The following WDFY3 variants were observed in gnomAD, a reference collection of about 807,000 sequenced individuals.
WDFY3 encodes the protein WD repeat and FYVE domain containing 3.
In WDFY3, 66 loss-of-function variants were observed where a neutral mutation model predicts 409.6. The ratio of observed to expected loss-of-function variants is 0.16; its 90% confidence interval spans 0.13 to 0.20. WDFY3 has a LOEUF of 0.20. Among genes scored for constraint, WDFY3 ranks in the 10% least tolerant of loss-of-function variants. The probability of loss-of-function intolerance (pLI) is 1.00; values close to 1 mark genes in which losing one functional copy is unlikely to be tolerated. For missense variants in WDFY3, 3,031 were observed against 4,298.1 expected (o/e 0.71, Z 8.24); for synonymous variants, 1,521 against 1,537.1 (o/e 0.99, Z 0.25).
intron 32 of WDFY3, among the ~76,000 whole-genome samples, chr4:84,758,133 A>T (rs916050225): frequency 6.6e-6 from 1 of 152,246 alleles, no homozygotes; most frequent in Non-Finnish European, 1.5e-5. Flanking sequence ...GGAAGTACTC[A>T]GTACACAGTG....
Position 84,669,947 on chromosome 4 carries a change from A to G in WDFY3, c.*2921T>C, listed in dbSNP as rs1245161825. 6.6e-6 allele frequency: 1 copy of G among 152,626 alleles called. No individual in the cohort carries two copies. The highest frequency in any genetic ancestry group is 1.5e-5 in the Non-Finnish European group (1 of 68,046). The allele number at this position is 152,626 out of a possible 1,614,324, so 9.5% of individuals were successfully genotyped here. On this transcript the variant is annotated 3_prime_UTR_variant, in exon 68 of 68. Transcript: ENST00000295888. ...GCAACAAGTAACCAAACTTGCTGAA[A>G]TTAAAAATACTTTCTAAAAACAGTT...
chr4:84,684,161 C>G (rs571202434), intron 62 of WDFY3, 36 bp from the exon 63 acceptor site: 1 of 1,487,156 alleles, frequency 6.7e-7, no homozygotes, highest in Admixed American at 2.0e-5. Flanking sequence ...TCTCTTTGCT[C>G]CCTTCCAATT....
Position 84,789,828 on chromosome 4 carries a change from A to C in WDFY3, c.3567T>G (p.Ile1189Met), listed in dbSNP as rs758906998. 2 of 1,614,078 alleles carry C rather than the reference A, an allele frequency of 1.2e-6. No homozygotes were observed. The highest frequency in any genetic ancestry group is 1.7e-6 in the Non-Finnish European group (2 of 1,180,024). ...CARFRCGELI[I>M]EGQWHHLVLV... ...GGACCAAATGATGCCACTGTCCCTC[A>C]ATGATAAGCTCTCCACATCGAAAGC... Residue 1189 changes from isoleucine to methionine, a missense_variant, in exon 22 of 68, where the codon ATT becomes ATG. Transcript: ENST00000295888.
At chr4:84,715,190 G>C (rs1356949936) in intron 50 of WDFY3, 108 bp downstream of exon 50, 8 of 609,384 alleles carry the variant, frequency 1.3e-5, no homozygotes, top group Non-Finnish European at 2.3e-5. Flanking sequence ...TTTCTTCAAA[G>C]ATGTTGGCTC....
At chr4:84,891,411 T>C (rs1241423943) in intron 3 of WDFY3, among the ~76,000 whole-genome samples, 2 of 152,176 alleles carry the variant, frequency 1.3e-5, no homozygotes, top group Non-Finnish European at 2.9e-5. Flanking sequence ...GTGTACACCA[T>C]AAAATATTCA....
intron 60 of WDFY3, among the ~76,000 whole-genome samples, chr4:84,691,321 T>A: frequency 6.6e-6 from 1 of 152,060 alleles, no homozygotes. Flanking sequence ...ACAGAAATGC[T>A]GAGCTCCTTG....
intron 37 of WDFY3, 64 bp from the exon 38 acceptor site, chr4:84,741,985 C>T: frequency 7.9e-7 from 1 of 1,273,758 alleles, no homozygotes; most frequent in South Asian, 1.8e-5. Context: ...ACCAGATCCT[C>T]AAAAAAAAAA....
chr4:84,934,164 C>A (rs1369548649), intron 1 of WDFY3, among the ~76,000 whole-genome samples: 3 of 152,122 alleles, frequency 2.0e-5, no homozygotes, highest in African/African-American at 7.2e-5. Flanking sequence ...TCCCTTTTCT[C>A]CACATCCTTG....
intron 4 of WDFY3, among the ~76,000 whole-genome samples, chr4:84,850,928 G>GTTTTTTTTTTTTTTTTTT (rs869074191): frequency 4.3e-4 from 20 of 46,244 alleles, no homozygotes; most frequent in East Asian, 8.8e-4. Context: ...TTATTTATCT[G>GTTTTTTTTTTTTTTTTTT]TTTTTTTTTT....
intron 56 of WDFY3, among the ~76,000 whole-genome samples, chr4:84,700,948 A>G (rs1272878761): frequency 6.6e-6 from 1 of 152,164 alleles, no homozygotes; most frequent in African/African-American, 2.4e-5. Flanking sequence ...CGTCTCTACT[A>G]AAAATTTGAA....
rs774904882 is a variant in WDFY3 at position 84,753,855 on chromosome 4, C to T, written c.5581G>A (p.Gly1861Arg). 1 of 1,596,454 alleles carries T rather than the reference C, an allele frequency of 6.3e-7. No individual in the cohort carries two copies. Among genetic ancestry groups the T allele is most frequent in the Non-Finnish European group, 8.5e-7 (1 of 1,173,210 alleles). ...ACAGGATATTCTCGGAGCCAAGATC[C>T]CTCTTCTTCTGATTGCCAAGGCTGT... ...LTSPWQSEEE[G>R]SWLREYPVTL... The change falls in exon 35 of 68, where the codon GGA becomes AGA. Residue 1861 changes from glycine (G) to arginine (R), a missense_variant. By Grantham distance (125) the Gly-to-Arg change is moderately radical (BLOSUM62 -2). This residue lies in a region of WDFY3 where 342 missense variants were observed against 463.7 expected (regional missense o/e 0.74). Coordinates refer to ENST00000295888, the MANE Select transcript of WDFY3 (RefSeq NM_014991.6).
At chr4:84,695,513 G>GAGAGAT (rs1729974743) in intron 58 of WDFY3, among the ~76,000 whole-genome samples, 1 of 111,282 alleles carries the variant, frequency 9.0e-6, no homozygotes, top group Non-Finnish European at 1.9e-5. Flanking sequence ...GAGAGATAGA[G>GAGAGAT]AGAGAGAGAG....
At chr4:84,924,599 A>G (rs2150897505) in intron 2 of WDFY3, among the ~76,000 whole-genome samples, 2 of 152,322 alleles carry the variant, frequency 1.3e-5, no homozygotes, top group Non-Finnish European at 2.9e-5. Context: ...TAAGTAGCCC[A>G]AGGTCACATG....
At position 84,766,772 on chromosome 4, in the gene WDFY3, T is replaced by C. The variant is rs182809693; in HGVS notation, c.4850-400A>G. On this transcript the variant is annotated intron_variant, in intron 30 of 67. Transcript: ENST00000295888. ...CAGTTAATTCTACCAGATTTAAAAATTGAAAATAGGAAGCATAGACTTATT... is the reference window on the plus strand; with the variant it reads ...CAGTTAATTCTACCAGATTTAAAAACTGAAAATAGGAAGCATAGACTTATT... Among the ~76,000 whole-genome samples the C allele has an allele frequency of 1.5e-3, 229 of 152,314 alleles. 1 individual carries two copies. Among genetic ancestry groups the C allele is most frequent in the African/African-American group, 5.2e-3 (216 of 41,570 alleles).
intron 37 of WDFY3, among the ~76,000 whole-genome samples, chr4:84,743,313 T>C (rs1328955757): frequency 1.3e-5 from 2 of 152,168 alleles, no homozygotes; most frequent in African/African-American, 4.8e-5. Context: ...CTGGAAGCCA[T>C]ACTAAAAAGA....
intron 59 of WDFY3, among the ~76,000 whole-genome samples, chr4:84,692,326 C>T (rs1729395603): frequency 6.6e-6 from 1 of 152,074 alleles, no homozygotes. Flanking sequence ...CATAGAATGG[C>T]ACACAAGTTA....
intron 6 of WDFY3, among the ~76,000 whole-genome samples, chr4:84,839,585 C>T (rs906478900): frequency 6.6e-6 from 1 of 151,848 alleles, no homozygotes; most frequent in Non-Finnish European, 1.5e-5. Context: ...GGGCCAGGCA[C>T]AGTGGCTCAC....
intron 24 of WDFY3, 98 bp downstream of exon 24, chr4:84,785,881 T>C: frequency 2.1e-6 from 3 of 1,429,488 alleles, no homozygotes; most frequent in Admixed American, 4.6e-5. Context: ...GGCATGATTT[T>C]TAGCAGTCAC....
In WDFY3 at chr4:84,733,849, T is replaced by G. The variant is rs113582768; in HGVS notation, c.6994-240A>C. ...CATGGATAGGGTAGAGTGTGCAATA[T>G]AGTGAAACAGAGAGTTGAAAGAAGT... is the stretch of plus-strand genomic sequence containing the variant. On this transcript the variant is annotated intron_variant, in intron 43 of 67. Coordinates refer to ENST00000295888, the MANE Select transcript of WDFY3 (RefSeq NM_014991.6). Among the ~76,000 whole-genome samples, 137 of 152,274 alleles carry G rather than the reference T, an allele frequency of 9.0e-4. 1 individual carries two copies. Among genetic ancestry groups the G allele is most frequent in the African/African-American group, 3.3e-3 (135 of 41,538 alleles).
Sources: allele counts gnomAD v4.1 joint callset (sites outside exome capture counted in the v4.1 genomes callset), GRCh38; gene constraint gnomAD v4.1.1; regional missense constraint gnomAD v4.1.1; transcripts MANE v1.5; gene names NCBI Gene and HGNC (gene_info 2026-07-23, HGNC 2026-07-21).